ANKS1B: variants seen among roughly 807,000 people sequenced by gnomAD.
ANKS1B encodes ankyrin repeat and sterile alpha motif domain containing 1B, also known as ankyrin repeat and sterile alpha motif domain-containing protein 1B.
In ANKS1B, 36 loss-of-function variants were observed where a neutral mutation model predicts 148.3. That is an observed-to-expected ratio of 0.24 (90% CI 0.19 to 0.32). ANKS1B has a LOEUF of 0.32. Among genes scored for constraint, ANKS1B ranks in the 10% least tolerant of loss-of-function variants. The probability of loss-of-function intolerance (pLI) is 1.00; values close to 1 mark genes in which losing one functional copy is unlikely to be tolerated. For missense variants in ANKS1B, 1,157 were observed against 1,542.6 expected (o/e 0.75, Z 4.19); for synonymous variants, 542 against 560.8 (o/e 0.97, Z 0.47).
rs80141776 is a variant in ANKS1B at position 99,089,240 on chromosome 12, T to C, written c.2527-4217A>G. ...AGCTCCGTCATGTCCATCTTCTGTT[T>C]AGTCATCTACTACACTGCACTCTCA... On this transcript the variant is annotated intron_variant, in intron 15 of 26. Coordinates refer to ENST00000683438, the MANE Select transcript of ANKS1B (RefSeq NM_001352186.2). Among the ~76,000 whole-genome samples the C allele has an allele frequency of 9.9e-5, 15 of 152,068 alleles. No individual in the cohort carries two copies. In the East Asian group the frequency reaches 2.5e-3, roughly 26 times the overall value.
intron 15 of ANKS1B, among the ~76,000 whole-genome samples, chr12:99,153,643 C>T (rs1048561563): frequency 6.6e-6 from 1 of 152,142 alleles, no homozygotes; most frequent in African/African-American, 2.4e-5. Context: ...ATACTTACTC[C>T]ACCAACCTTT....
At chr12:99,424,717 G>C (rs2095207044) in intron 11 of ANKS1B, among the ~76,000 whole-genome samples, 1 of 151,606 alleles carries the variant, frequency 6.6e-6, no homozygotes, top group African/African-American at 2.4e-5. Flanking sequence ...CTGTCTGTCT[G>C]TCTGTCTGTC....
chr12:99,583,364 G>A (rs1754030190), intron 9 of ANKS1B, among the ~76,000 whole-genome samples: 2 of 152,266 alleles, frequency 1.3e-5, no homozygotes, highest in South Asian at 4.1e-4. Flanking sequence ...AGGATAGAAT[G>A]GGGAAGGAAG....
intron 17 of ANKS1B, chr12:98,895,245 C>T (rs2099762505): frequency 2.0e-6 from 2 of 985,354 alleles, no homozygotes; most frequent in South Asian, 4.7e-5. Flanking sequence ...CTCCTGGCTC[C>T]CAGGCACTCG....
chr12:99,694,737 A>C (rs2053640061), intron 8 of ANKS1B, among the ~76,000 whole-genome samples: 1 of 152,198 alleles, frequency 6.6e-6, no homozygotes, highest in Non-Finnish European at 1.5e-5. Flanking sequence ...AAAAATTAAT[A>C]ATTAATTTTT....
At chr12:99,309,802 A>G (rs1403014698) in intron 12 of ANKS1B, among the ~76,000 whole-genome samples, 1 of 152,144 alleles carries the variant, frequency 6.6e-6, no homozygotes, top group Non-Finnish European at 1.5e-5. Context: ...ACAGAATTTT[A>G]AATAAGCCTA....
chr12:99,749,467 A>G (rs945308570), intron 8 of ANKS1B, among the ~76,000 whole-genome samples: 3 of 152,048 alleles, frequency 2.0e-5, no homozygotes, highest in Non-Finnish European at 4.4e-5. Flanking sequence ...AGGATCCATA[A>G]AAGCCTAGAT....
chr12:99,487,748 G>T (rs1004226737), intron 10 of ANKS1B, among the ~76,000 whole-genome samples: 1 of 151,892 alleles, frequency 6.6e-6, no homozygotes, highest in Non-Finnish European at 1.5e-5. Context: ...CTAATAAGTG[G>T]TCAATTTTTC....
chr12:99,067,513 G>A (rs539042831), intron 16 of ANKS1B, among the ~76,000 whole-genome samples: 1 of 152,258 alleles, frequency 6.6e-6, no homozygotes, highest in East Asian at 1.9e-4. Flanking sequence ...CTCAAGCTGT[G>A]GTGACAGAAG....
intron 15 of ANKS1B, among the ~76,000 whole-genome samples, chr12:99,135,258 A>G (rs1211788289): frequency 6.6e-6 from 1 of 152,244 alleles, no homozygotes; most frequent in Non-Finnish European, 1.5e-5. Flanking sequence ...ATGTGAGCAC[A>G]AGGATAAAAG....
intron 17 of ANKS1B, among the ~76,000 whole-genome samples, chr12:98,892,188 C>T: frequency 6.6e-6 from 1 of 152,170 alleles, no homozygotes; most frequent in Admixed American, 6.5e-5. Context: ...ACAGAATGTG[C>T]CAATGCTATA....
intron 17 of ANKS1B, among the ~76,000 whole-genome samples, chr12:98,919,298 A>G (rs961135721): frequency 6.6e-6 from 1 of 152,166 alleles, no homozygotes; most frequent in Non-Finnish European, 1.5e-5. Flanking sequence ...GAAAAATCTA[A>G]TCTGTGTTAA....
At chr12:99,233,963 C>T (rs1248646792) in intron 14 of ANKS1B, among the ~76,000 whole-genome samples, 2 of 152,008 alleles carry the variant, frequency 1.3e-5, no homozygotes, top group South Asian at 2.1e-4. Context: ...AAAAAAAATG[C>T]TGAGACAAAA....
intron 17 of ANKS1B, among the ~76,000 whole-genome samples, chr12:99,037,799 TC>T (rs1255986477): frequency 6.6e-6 from 1 of 152,182 alleles, no homozygotes; most frequent in East Asian, 1.9e-4. Context: ...TAATTTACAT[TC>T]CTGCTGTGGG....
At chr12:99,522,463 G>GC (rs1567266489) in intron 9 of ANKS1B, among the ~76,000 whole-genome samples, 1 of 152,072 alleles carries the variant, frequency 6.6e-6, no homozygotes. Flanking sequence ...AGAACATTAT[G>GC]CCCCCCAAGA....
rs574207880 is a variant in ANKS1B at position 99,685,773 on chromosome 12, T to C, written c.1129-30563A>G. Among the ~76,000 whole-genome samples the C allele has an allele frequency of 5.1e-4, 76 of 147,932 alleles. No homozygotes were observed. The South Asian group carries it at 0.015, about 29-fold the overall frequency. ...ATATATATATATACACACACACACATATATACACAATGGAATACTACTCAG... is the reference window on the plus strand; with the variant it reads ...ATATATATATATACACACACACACACATATACACAATGGAATACTACTCAG... On this transcript the variant is annotated intron_variant, in intron 8 of 26. Coordinates refer to ENST00000683438, the MANE Select transcript of ANKS1B (RefSeq NM_001352186.2).
At chr12:99,250,577 C>T (rs1283686197) in intron 12 of ANKS1B, among the ~76,000 whole-genome samples, 9 of 152,180 alleles carry the variant, frequency 5.9e-5, no homozygotes, top group Non-Finnish European at 1.0e-4. Context: ...CCAATACCAC[C>T]GATGCATCAG....
chr12:99,456,430 G>A (rs2095848289), intron 10 of ANKS1B, among the ~76,000 whole-genome samples: 1 of 152,108 alleles, frequency 6.6e-6, no homozygotes, highest in Non-Finnish European at 1.5e-5. Flanking sequence ...GGAAACCTCT[G>A]AATTGCCAGA....
intron 1 of ANKS1B, among the ~76,000 whole-genome samples, chr12:99,921,619 C>T (rs894072537): frequency 6.6e-6 from 1 of 152,078 alleles, no homozygotes; most frequent in African/African-American, 2.4e-5. Flanking sequence ...CTACTCACCA[C>T]AAACAAAGCA....
Sources: gnomAD v4.1 joint callset for allele counts (sites outside exome capture counted in the v4.1 genomes callset) on GRCh38, gnomAD v4.1.1 for gene constraint, MANE v1.5 for transcripts, NCBI Gene and HGNC (gene_info 2026-07-23, HGNC 2026-07-21) for gene names.